Variants in RNF220 observed in about 807,000 individuals in gnomAD.
The protein encoded by RNF220 is ring finger protein 220, also known as E3 ubiquitin-protein ligase RNF220.
Under a neutral mutation model 67.1 loss-of-function variants are expected in RNF220, and 7 were observed. The ratio of observed to expected loss-of-function variants is 0.10; its 90% CI spans 0.06 to 0.20. RNF220 has a LOEUF of 0.20. RNF220 is among the 10% of genes least tolerant of loss of function. The pLI, the probability that RNF220 is intolerant of heterozygous loss-of-function variation, is 1.00. For missense variants in RNF220, 565 were observed against 740.3 expected (o/e 0.76, Z 2.75); for synonymous variants, 270 against 283.2 (o/e 0.95, Z 0.47).
intron 2 of RNF220, among the ~76,000 whole-genome samples, chr1:44,521,021 A>G: frequency 6.6e-6 from 1 of 152,126 alleles, no homozygotes; most frequent in Admixed American, 6.5e-5. Context: ...TCAGCCTCCC[A>G]AGTAACTAGG....
chr1:44,518,888 A>AC (rs1659679280), intron 2 of RNF220, among the ~76,000 whole-genome samples: 1 of 146,466 alleles, frequency 6.8e-6, no homozygotes, highest in African/African-American at 2.6e-5. Flanking sequence ...AACAAAAAAA[A>AC]CAAAAAAAAA....
At chr1:44,458,258 TA>T (rs547877766) in intron 2 of RNF220, among the ~76,000 whole-genome samples, 79 of 145,746 alleles carry the variant, frequency 5.4e-4, no homozygotes, top group Middle Eastern at 3.5e-3. Flanking sequence ...CACTGTCTCT[TA>T]AAAAAAAAAA....
At chr1:44,418,657 A>G (rs1261221976) in intron 2 of RNF220, among the ~76,000 whole-genome samples, 1 of 151,544 alleles carries the variant, frequency 6.6e-6, no homozygotes, top group African/African-American at 2.4e-5. Flanking sequence ...AAAAAAACAC[A>G]CACACATTGT....
At chr1:44,581,600 C>T (rs1342453462) in intron 2 of RNF220, among the ~76,000 whole-genome samples, 1 of 152,104 alleles carries the variant, frequency 6.6e-6, no homozygotes, top group Non-Finnish European at 1.5e-5. Flanking sequence ...TTTCCTAAGA[C>T]GATCATCCTT....
At chr1:44,529,746 G>A (rs1253936841) in intron 2 of RNF220, among the ~76,000 whole-genome samples, 1 of 152,044 alleles carries the variant, frequency 6.6e-6, no homozygotes, top group Non-Finnish European at 1.5e-5. Flanking sequence ...CACTTCATAG[G>A]CCACTTTACA....
At chr1:44,605,858 C>T (rs1276551160) in intron 2 of RNF220, among the ~76,000 whole-genome samples, 1 of 152,178 alleles carries the variant, frequency 6.6e-6, no homozygotes, top group Non-Finnish European at 1.5e-5. Flanking sequence ...TTCCAAGTGA[C>T]TCTGGAACTG....
At chr1:44,535,919 T>C (rs1389463393) in intron 2 of RNF220, among the ~76,000 whole-genome samples, 2 of 152,114 alleles carry the variant, frequency 1.3e-5, no homozygotes, top group African/African-American at 4.8e-5. Flanking sequence ...CTTCCTAGAA[T>C]ATATGAGAAC....
intron 2 of RNF220, among the ~76,000 whole-genome samples, chr1:44,561,472 G>A (rs1663568544): frequency 6.6e-6 from 1 of 152,194 alleles, no homozygotes; most frequent in African/African-American, 2.4e-5. Flanking sequence ...TCGCGCCACT[G>A]CACTCCAGCC....
intron 2 of RNF220, among the ~76,000 whole-genome samples, chr1:44,475,344 GC>G (rs1219598767): frequency 6.6e-6 from 1 of 152,042 alleles, no homozygotes; most frequent in East Asian, 1.9e-4. Flanking sequence ...GCCGAGGCGG[GC>G]GGATCACTTA....
intron 5 of RNF220, 38 bp downstream of exon 5, chr1:44,626,436 C>T (rs1301177721): frequency 6.5e-7 from 1 of 1,533,208 alleles, no homozygotes; most frequent in Non-Finnish European, 9.0e-7. Context: ...GAAGCAAGCT[C>T]ACCTGGGGGA....
intron 2 of RNF220, among the ~76,000 whole-genome samples, chr1:44,518,023 C>T (rs1659591207): frequency 6.6e-6 from 1 of 152,230 alleles, no homozygotes; most frequent in South Asian, 2.1e-4. Context: ...AGGAGAATCA[C>T]TTGAACCCGG....
At chr1:44,461,539 G>A (rs1461343397) in intron 2 of RNF220, among the ~76,000 whole-genome samples, 1 of 152,130 alleles carries the variant, frequency 6.6e-6, no homozygotes, top group Non-Finnish European at 1.5e-5. Context: ...AGTATATTTT[G>A]TATTTAGTTG....
intron 2 of RNF220, among the ~76,000 whole-genome samples, chr1:44,473,375 G>A (rs1654992071): frequency 6.6e-6 from 1 of 151,680 alleles, no homozygotes; most frequent in Non-Finnish European, 1.5e-5. Flanking sequence ...GTTTAGTAGG[G>A]TGATGGTCTG....
intron 2 of RNF220, among the ~76,000 whole-genome samples, chr1:44,438,050 A>G (rs919559778): frequency 6.6e-6 from 1 of 152,236 alleles, no homozygotes; most frequent in Non-Finnish European, 1.5e-5. Context: ...CAGCATTGCA[A>G]TCGTGTATAC....
At chr1:44,436,199 T>G (rs1294212916) in intron 2 of RNF220, among the ~76,000 whole-genome samples, 1 of 152,044 alleles carries the variant, frequency 6.6e-6, no homozygotes, top group Non-Finnish European at 1.5e-5. Flanking sequence ...GATGTAATCA[T>G]AGTTGTTTGG....
At chr1:44,618,628 C>T (rs1278561133) in intron 3 of RNF220, among the ~76,000 whole-genome samples, 2 of 152,128 alleles carry the variant, frequency 1.3e-5, no homozygotes, top group East Asian at 1.9e-4. Context: ...TGCTGGAGGA[C>T]GTCCTTGATG....
At chr1:44,409,826 G>A (rs1647788016) in intron 1 of RNF220, among the ~76,000 whole-genome samples, 1 of 152,022 alleles carries the variant, frequency 6.6e-6, no homozygotes, top group Admixed American at 6.5e-5. Flanking sequence ...TAATGACTGT[G>A]GTCAGCTGAA....
At chr1:44,536,825 TA>T (rs1307383349) in intron 2 of RNF220, among the ~76,000 whole-genome samples, 1 of 152,212 alleles carries the variant, frequency 6.6e-6, no homozygotes, top group African/African-American at 2.4e-5. Context: ...TATAACGTTT[TA>T]TGGTTGTTTC....
intron 8 of RNF220, among the ~76,000 whole-genome samples, chr1:44,641,057 T>C (rs1477849719): frequency 6.6e-6 from 1 of 152,080 alleles, no homozygotes; most frequent in Non-Finnish European, 1.5e-5. Flanking sequence ...TTTTTTTTTC[T>C]CCCTTCTCAA....
Sources: gnomAD v4.1 joint callset for allele counts (sites outside exome capture counted in the v4.1 genomes callset) on GRCh38, gnomAD v4.1.1 for gene constraint, MANE v1.5 for transcripts, NCBI Gene and HGNC (gene_info 2026-07-23, HGNC 2026-07-21) for gene names.